The following NHS variants were observed in gnomAD, a reference collection of about 807,000 sequenced individuals.
NHS encodes NHS actin remodeling regulator.
Under a neutral mutation model 72.5 loss-of-function variants are expected in NHS, and 5 were observed. That is an observed-to-expected ratio of 0.07 (90% confidence interval 0.04 to 0.14). NHS has a LOEUF of 0.14. Among genes scored for constraint, NHS ranks in the 10% least tolerant of loss-of-function variants. The probability of loss-of-function intolerance (pLI) is 1.00; values close to 1 mark genes in which losing one functional copy is unlikely to be tolerated. For missense variants in NHS, 1,072 were observed against 1,355.7 expected, an observed-to-expected ratio of 0.79 and a Z score of 3.29; for synonymous variants, 464 against 547.7, an observed-to-expected ratio of 0.85 and a Z score of 2.13.
chrX:17,533,495 C>T (rs1041279388), intron 1 of NHS, among the ~76,000 whole-genome samples: 2 of 111,466 alleles, frequency 1.8e-5, no homozygotes, highest in Non-Finnish European at 1.9e-5. Flanking sequence ...CTGTATGTTA[C>T]CCAGGTCTTG....
At chrX:17,672,970 G>A (rs1382143064) in intron 1 of NHS, among the ~76,000 whole-genome samples, 2 of 110,851 alleles carry the variant, frequency 1.8e-5, no homozygotes, top group Non-Finnish European at 3.8e-5. Flanking sequence ...GCTTCACAAA[G>A]GAGGTGCAAC....
At position 17,375,674 on chromosome X, in the gene NHS, C is replaced by G; in HGVS notation, c.-84C>G. Reference sequence around the variant, plus strand: ...CGCGCTTTTGCCGGACTCCTGCCCCCTCCCTGCTCAGGTGGGCGCGCCCGG... The same window carrying G: ...CGCGCTTTTGCCGGACTCCTGCCCCGTCCCTGCTCAGGTGGGCGCGCCCGG... On this transcript the variant is annotated 5_prime_UTR_variant, in exon 1 of 9. Transcript: ENST00000676302. The G allele has an allele frequency of 9.5e-7, 1 of 1,055,075 alleles. No individual in the cohort carries two copies. The allele number at this position is 1,055,075 out of a possible 1,213,427, so 87.0% of individuals were successfully genotyped here. A position where few individuals can be genotyped will look rare whatever the true frequency, so the allele number is the denominator to read the frequency against.
intron 1 of NHS, among the ~76,000 whole-genome samples, chrX:17,665,745 T>G (rs1042212411): frequency 1.8e-5 from 2 of 112,210 alleles, no homozygotes; most frequent in African/African-American, 6.5e-5. Flanking sequence ...GTATTATTTC[T>G]TCCCTAAATG....
chrX:17,431,994 G>A (rs1283068794), intron 1 of NHS, among the ~76,000 whole-genome samples: 2 of 112,130 alleles, frequency 1.8e-5, no homozygotes, highest in Non-Finnish European at 3.8e-5. Context: ...ATGTATAGCA[G>A]TGGCTCCCAC....
chrX:17,455,416 A>G (rs181685727), intron 1 of NHS, among the ~76,000 whole-genome samples: 1 of 111,888 alleles, frequency 8.9e-6, no homozygotes, highest in Admixed American at 9.5e-5. Context: ...TCCATAGCTC[A>G]TTCCTATGCC....
At chrX:17,470,597 C>T (rs2064888337) in intron 1 of NHS, among the ~76,000 whole-genome samples, 1 of 111,796 alleles carries the variant, frequency 8.9e-6, no homozygotes, top group South Asian at 3.8e-4. Context: ...TTGCCAATCT[C>T]TCTGCCCAGG....
At chrX:17,541,756 C>G (rs924778507) in intron 1 of NHS, among the ~76,000 whole-genome samples, 5 of 48,400 alleles carry the variant, frequency 1.0e-4, no homozygotes, top group Admixed American at 1.8e-4. Context: ...CCCAAGGTAT[C>G]TGAGTTTGCG....
chrX:17,410,422 A>C (rs754514784), intron 1 of NHS, among the ~76,000 whole-genome samples: 3 of 110,268 alleles, frequency 2.7e-5, no homozygotes, highest in Non-Finnish European at 3.8e-5. Context: ...TGGGATAATA[A>C]CTAGTTCATT....
intron 3 of NHS, among the ~76,000 whole-genome samples, chrX:17,698,631 TGA>T: frequency 8.9e-6 from 1 of 112,061 alleles, no homozygotes; most frequent in East Asian, 2.8e-4. Flanking sequence ...ACACCTGAAC[TGA>T]TAAAGACAGT....
At position 17,721,702 on chromosome X, in the gene NHS, C is replaced by T. The variant is rs1404846168; in HGVS notation, c.1108+69C>T. 1.7e-5 allele frequency: 16 copies of T among 968,307 alleles called. No individual in the cohort carries two copies. The East Asian group carries it at 4.1e-4, about 25-fold the overall frequency. 79.8% of individuals were successfully genotyped at this position (968,307 alleles called of 1,213,427 possible). On this transcript the variant is annotated intron_variant, in intron 5 of 8. Coordinates refer to ENST00000676302, the MANE Select transcript of NHS (RefSeq NM_001291867.2). ...TCTGTGTATTAAATATGTTCAAAAT[C>T]TGTGCTGCTAAGAATACCATTTTGT... is the stretch of plus-strand genomic sequence containing the variant.
intron 3 of NHS, among the ~76,000 whole-genome samples, chrX:17,709,009 G>A (rs1156508845): frequency 1.8e-5 from 2 of 111,253 alleles, no homozygotes; most frequent in Non-Finnish European, 3.8e-5. Context: ...TCAATCTCTA[G>A]AGATTGCTTT....
chrX:17,618,294 C>T (rs1296265411), intron 1 of NHS, among the ~76,000 whole-genome samples: 2 of 111,948 alleles, frequency 1.8e-5, no homozygotes, highest in Non-Finnish European at 3.8e-5. Flanking sequence ...TTCTTGAGTA[C>T]AGTTACAGCC....
chrX:17,571,003 C>A (rs1174880523), intron 1 of NHS, among the ~76,000 whole-genome samples: 1 of 112,266 alleles, frequency 8.9e-6, no homozygotes, highest in Non-Finnish European at 1.9e-5. Context: ...ACCAGCCTTG[C>A]ATCCCAGGGG....
intron 1 of NHS, among the ~76,000 whole-genome samples, chrX:17,565,237 T>G (rs765792798): frequency 5.4e-5 from 6 of 111,195 alleles, no homozygotes; most frequent in Non-Finnish European, 1.1e-4. Context: ...TGTGGAGGAC[T>G]GCCAAGGCAC....
At chrX:17,530,120 C>T (rs1249066820) in intron 1 of NHS, among the ~76,000 whole-genome samples, 1 of 110,767 alleles carries the variant, frequency 9.0e-6, no homozygotes, top group Admixed American at 9.6e-5. Flanking sequence ...AAACTCCCCT[C>T]TGAAAGGGGT....
chrX:17,661,828 C>T (rs764790563), intron 1 of NHS, among the ~76,000 whole-genome samples: 53 of 111,878 alleles, frequency 4.7e-4, no homozygotes, highest in African/African-American at 1.5e-3. Context: ...AAAGTCACCC[C>T]GTCTAAGGTC....
Position 17,690,337 on chromosome X carries a change from T to C in NHS, c.719-1998T>C, listed in dbSNP as rs903755554. ...ATACTGACCTATCAGACAACTGCCA[T>C]GCTCAGCAAATGCTGCAGTGAGCAT... On this transcript the variant is annotated intron_variant, in intron 2 of 8. Coordinates refer to ENST00000676302, the MANE Select transcript of NHS (RefSeq NM_001291867.2). Among the ~76,000 whole-genome samples the C allele has an allele frequency of 6.2e-5, 7 of 112,543 alleles. No individual in the cohort carries two copies. The East Asian group carries it at 8.4e-4, about 13-fold the overall frequency.
At chrX:17,707,179 G>A (rs1356246092) in intron 3 of NHS, among the ~76,000 whole-genome samples, 6 of 111,471 alleles carry the variant, frequency 5.4e-5, no homozygotes, top group Non-Finnish European at 1.1e-4. Flanking sequence ...CAGAATGATC[G>A]AGGGGTGGGA....
At chrX:17,420,243 G>A (rs1015319097) in intron 1 of NHS, among the ~76,000 whole-genome samples, 9 of 112,080 alleles carry the variant, frequency 8.0e-5, no homozygotes, top group African/African-American at 2.9e-4. Context: ...TTATTTGCTA[G>A]TGCTTTGTTC....
Sources: gnomAD v4.1 joint callset for allele counts (sites outside exome capture counted in the v4.1 genomes callset) on GRCh38, gnomAD v4.1.1 for gene constraint, MANE v1.5 for transcripts, NCBI Gene and HGNC (gene_info 2026-07-23, HGNC 2026-07-21) for gene names.